The following HIBADH variants were observed in gnomAD, a reference collection of about 807,000 sequenced individuals.
HIBADH encodes 3-hydroxyisobutyrate dehydrogenase, mitochondrial.
HIBADH carries 25 observed loss-of-function variants against 36.1 expected under a neutral mutation model. The ratio of observed to expected loss-of-function variants is 0.69; its 90% CI spans 0.50 to 0.97. The LOEUF (loss-of-function observed/expected upper bound fraction) is 0.97, where lower values mean the gene tolerates loss of function less well. Ranked by LOEUF, HIBADH falls within the 50% of genes least tolerant of loss-of-function variation. The pLI is 0.00. For synonymous variants in HIBADH, 160 were observed against 149.5 expected (o/e 1.07, Z -0.51); for missense variants, 421 against 418.0 (o/e 1.01, Z -0.06).
At chr7:27,566,074 G>A (rs941580155) in intron 4 of HIBADH, among the ~76,000 whole-genome samples, 4 of 151,958 alleles carry the variant, frequency 2.6e-5, no homozygotes, top group Admixed American at 2.6e-4. Context: ...TTCTTAATAT[G>A]TTGATCAGAA....
intron 4 of HIBADH, among the ~76,000 whole-genome samples, chr7:27,544,685 C>T (rs990331514): frequency 1.3e-5 from 2 of 152,058 alleles, no homozygotes; most frequent in Non-Finnish European, 2.9e-5. Flanking sequence ...ATTAAGTAGA[C>T]GATTTAAGTC....
chr7:27,586,168 T>G (rs562830894), intron 4 of HIBADH, among the ~76,000 whole-genome samples: 1 of 152,210 alleles, frequency 6.6e-6, no homozygotes. Flanking sequence ...AAAGCAAATA[T>G]GCCCTTGTTG....
intron 4 of HIBADH, among the ~76,000 whole-genome samples, chr7:27,599,638 C>T (rs915540876): frequency 2.9e-5 from 4 of 140,344 alleles, no homozygotes; most frequent in African/African-American, 5.5e-5. Context: ...GCCCAGATGG[C>T]GCCACTGCAC....
At chr7:27,650,712 T>TAAA (rs59073946) in intron 1 of HIBADH, among the ~76,000 whole-genome samples, 6 of 126,288 alleles carry the variant, frequency 4.8e-5, no homozygotes, top group African/African-American at 1.8e-4. Flanking sequence ...AGGCTGCCAT[T>TAAA]AAAAAAAAAA....
chr7:27,527,997 A>G (rs1171395142), intron 7 of HIBADH, among the ~76,000 whole-genome samples: 1 of 142,830 alleles, frequency 7.0e-6, no homozygotes, highest in South Asian at 2.2e-4. Context: ...TCCTAACTTC[A>G]GGTGATACAC....
At chr7:27,638,337 A>G (rs1485106711) in intron 2 of HIBADH, among the ~76,000 whole-genome samples, 1 of 148,728 alleles carries the variant, frequency 6.7e-6, no homozygotes, top group Non-Finnish European at 1.5e-5. Context: ...AAAACAAGCA[A>G]TAAGGAAAGG....
intron 7 of HIBADH, among the ~76,000 whole-genome samples, chr7:27,529,436 G>A (rs1298328704): frequency 6.6e-6 from 1 of 152,144 alleles, no homozygotes; most frequent in Non-Finnish European, 1.5e-5. Context: ...AACATTAACA[G>A]GAGTTTGAAA....
chr7:27,547,805 T>C (rs897773836), intron 4 of HIBADH, among the ~76,000 whole-genome samples: 1 of 152,106 alleles, frequency 6.6e-6, no homozygotes, highest in African/African-American at 2.4e-5. Context: ...ACATTTATTA[T>C]ATTAATACAC....
intron 4 of HIBADH, among the ~76,000 whole-genome samples, chr7:27,576,135 C>A (rs1248087687): frequency 2.6e-5 from 4 of 151,974 alleles, no homozygotes; most frequent in Non-Finnish European, 5.9e-5. Context: ...CAACGGAAAC[C>A]AAGAATGAAG....
intron 4 of HIBADH, among the ~76,000 whole-genome samples, chr7:27,565,581 G>T (rs1784534770): frequency 6.6e-6 from 1 of 152,134 alleles, no homozygotes; most frequent in Non-Finnish European, 1.5e-5. Flanking sequence ...TAGACTCCTT[G>T]AACTTTTCTA....
chr7:27,621,830 C>T (rs1004696079), intron 4 of HIBADH, among the ~76,000 whole-genome samples: 4 of 150,276 alleles, frequency 2.7e-5, no homozygotes, highest in South Asian at 2.1e-4. Flanking sequence ...AGTATCTCTT[C>T]GCGCCACAAT....
Position 27,586,697 on chromosome 7 carries a change from C to G in HIBADH, c.484+42674G>C, listed in dbSNP as rs534618930. ...GAGACAAAAAGAAAAGAGGACAGCA[C>G]TCTTAGAAAAGGAGGGAAATCACTC... is the stretch of plus-strand genomic sequence containing the variant. On this transcript the variant is annotated intron_variant, in intron 4 of 7. Transcript: ENST00000265395. Among the ~76,000 whole-genome samples the G allele has an allele frequency of 2.2e-5, 3 of 134,994 alleles. No individual in the cohort carries two copies. In the East Asian group the frequency reaches 7.0e-4, roughly 31 times the overall value. 88.6% of individuals were successfully genotyped at this position (134,994 alleles called of 152,430 possible).
intron 4 of HIBADH, among the ~76,000 whole-genome samples, chr7:27,544,545 A>G (rs1425070104): frequency 6.6e-6 from 1 of 152,188 alleles, no homozygotes; most frequent in Non-Finnish European, 1.5e-5. Context: ...CTGTTTTGTT[A>G]GTTTCTAGTT....
intron 1 of HIBADH, among the ~76,000 whole-genome samples, chr7:27,660,564 C>G (rs1004187044): frequency 6.6e-6 from 1 of 152,020 alleles, no homozygotes; most frequent in Non-Finnish European, 1.5e-5. Context: ...ACTCCGGAGG[C>G]TGAGGCAGGA....
At chr7:27,650,961 C>T (rs1048684033) in intron 1 of HIBADH, among the ~76,000 whole-genome samples, 1 of 152,100 alleles carries the variant, frequency 6.6e-6, no homozygotes, top group African/African-American at 2.4e-5. Context: ...ACACAAGCAA[C>T]GTATGGTCCC....
rs557859657 is a variant in HIBADH, at chr7:27,532,534, C to G, written c.696-1186G>C. On this transcript the variant is annotated intron_variant, in intron 6 of 7. Transcript: ENST00000265395. Reference sequence around the variant, plus strand: ...TAGAGCAGGGGGCTGAGGCTAACAGCCAAAAATATGTATGGAATTACCACA... The same window carrying G: ...TAGAGCAGGGGGCTGAGGCTAACAGGCAAAAATATGTATGGAATTACCACA... Among the ~76,000 whole-genome samples the G allele has an allele frequency of 2.6e-5, 4 of 152,220 alleles. No individual in the cohort carries two copies. The South Asian group carries it at 8.3e-4, about 32-fold the overall frequency.
rs139028103 is a variant in HIBADH, at chr7:27,635,759, G to A, written c.253-3314C>T. Among the ~76,000 whole-genome samples, 410 of 152,270 alleles carry A rather than the reference G, an allele frequency of 2.7e-3. 2 individuals carry two copies. The highest frequency in any genetic ancestry group is 4.3e-3 in the Non-Finnish European group (290 of 68,032). On this transcript the variant is annotated intron_variant, in intron 2 of 7. Transcript: ENST00000265395. The stretch of plus-strand genomic sequence containing the variant: ...TGGTCATTGGCCTGGCTGACTCTGG[G>A]ACATGGCTCTGCTCTGATTGTCAAG...
At chr7:27,662,615 G>C (rs1786446919) in intron 1 of HIBADH, 83 bp downstream of exon 1, 1 of 905,834 alleles carries the variant, frequency 1.1e-6, no homozygotes, top group Non-Finnish European at 1.5e-6. Context: ...AGGGCCTCCC[G>C]AGAAAAGACT....
intron 4 of HIBADH, among the ~76,000 whole-genome samples, chr7:27,601,466 C>T (rs565482086): frequency 1.3e-5 from 2 of 151,846 alleles, no homozygotes; most frequent in African/African-American, 4.8e-5. Flanking sequence ...CGTTAAATAC[C>T]TATACTATAA....
Sources: allele counts gnomAD v4.1 joint callset (sites outside exome capture counted in the v4.1 genomes callset), GRCh38; gene constraint gnomAD v4.1.1; transcripts MANE v1.5; gene names NCBI Gene and HGNC (gene_info 2026-07-23, HGNC 2026-07-21).